The following SND1 variants were observed in gnomAD, a reference collection of about 807,000 sequenced individuals.
SND1 encodes staphylococcal nuclease domain-containing protein 1.
SND1 carries 38 observed loss-of-function variants against 121.7 expected under a neutral mutation model. The observed-to-expected ratio is 0.31, with a 90% CI of 0.24 to 0.41. SND1 has a LOEUF of 0.41. Ranked by LOEUF, SND1 falls within the 10% of genes least tolerant of loss-of-function variation. SND1 has a pLI of 1.00. For missense variants in SND1, 868 were observed against 1,184.6 expected (o/e 0.73, Z 3.92); for synonymous variants, 401 against 447.4 (o/e 0.90, Z 1.31).
chr7:128,051,297 C>G (rs1252333610), intron 16 of SND1, among the ~76,000 whole-genome samples: 1 of 152,010 alleles, frequency 6.6e-6, no homozygotes, highest in Non-Finnish European at 1.5e-5. Flanking sequence ...ACTGTTAGAA[C>G]AGAAAAATCA....
chr7:127,757,654 A>G (rs758064125), intron 10 of SND1, among the ~76,000 whole-genome samples: 6 of 152,204 alleles, frequency 3.9e-5, no homozygotes, highest in Non-Finnish European at 8.8e-5. Flanking sequence ...TTGTAAGGTT[A>G]TCAGGCATTT....
At chr7:127,840,372 A>G (rs1415140672) in intron 11 of SND1, among the ~76,000 whole-genome samples, 1 of 152,212 alleles carries the variant, frequency 6.6e-6, no homozygotes, top group Admixed American at 6.5e-5. Context: ...GCACCAAGCA[A>G]GAGCCCAGGG....
intron 12 of SND1, among the ~76,000 whole-genome samples, chr7:127,854,359 C>T (rs1449656750): frequency 2.6e-5 from 4 of 152,044 alleles, no homozygotes; most frequent in Non-Finnish European, 5.9e-5. Context: ...GAACTCCTGA[C>T]CTTAAGTGAT....
chr7:127,870,863 A>G (rs960313315), intron 12 of SND1, among the ~76,000 whole-genome samples: 2 of 152,204 alleles, frequency 1.3e-5, no homozygotes, highest in African/African-American at 4.8e-5. Flanking sequence ...AACTTTTATA[A>G]TGCTTAATTT....
At chr7:127,710,116 G>A (rs1390871239) in intron 9 of SND1, among the ~76,000 whole-genome samples, 6 of 152,064 alleles carry the variant, frequency 3.9e-5, no homozygotes, top group African/African-American at 1.4e-4. Context: ...GAAAAAAATG[G>A]ATTTTGCGTT....
intron 14 of SND1, among the ~76,000 whole-genome samples, chr7:127,925,129 A>T (rs1800803231): frequency 6.6e-6 from 1 of 152,212 alleles, no homozygotes; most frequent in Non-Finnish European, 1.5e-5. Flanking sequence ...TCTTAAAGAG[A>T]TGCCATCCAC....
intron 10 of SND1, among the ~76,000 whole-genome samples, chr7:127,721,906 T>G (rs904339351): frequency 6.6e-6 from 1 of 152,236 alleles, no homozygotes; most frequent in Non-Finnish European, 1.5e-5. Context: ...TTAAACTGTT[T>G]GCTATTTTTT....
At chr7:128,023,713 T>A (rs1272808348) in intron 16 of SND1, among the ~76,000 whole-genome samples, 3 of 152,184 alleles carry the variant, frequency 2.0e-5, no homozygotes, top group Non-Finnish European at 2.9e-5. Context: ...AATAGGCATG[T>A]CTCTCTTTGG....
chr7:127,953,160 G>A (rs1349752325), intron 15 of SND1, among the ~76,000 whole-genome samples: 1 of 11,150 alleles, frequency 9.0e-5, no homozygotes, highest in East Asian at 1.6e-3. Context: ...CCGTGTGTGT[G>A]TGTGTGTGTG....
intron 14 of SND1, among the ~76,000 whole-genome samples, chr7:127,923,561 T>G (rs972528284): frequency 6.6e-6 from 1 of 152,188 alleles, no homozygotes; most frequent in Non-Finnish European, 1.5e-5. Flanking sequence ...TTTCAAGAGA[T>G]GATCATGCTG....
chr7:127,919,092 TA>T (rs1800646769), intron 14 of SND1, among the ~76,000 whole-genome samples: 1 of 152,208 alleles, frequency 6.6e-6, no homozygotes, highest in Non-Finnish European at 1.5e-5. Flanking sequence ...GACATAAAAA[TA>T]AAACTTTCAC....
intron 14 of SND1, among the ~76,000 whole-genome samples, chr7:127,925,291 G>T (rs1800805887): frequency 6.6e-6 from 1 of 152,164 alleles, no homozygotes; most frequent in Non-Finnish European, 1.5e-5. Context: ...CAGAAATCCA[G>T]TTGCTTCCTG....
intron 16 of SND1, among the ~76,000 whole-genome samples, chr7:128,038,153 A>G (rs1188426937): frequency 6.6e-6 from 1 of 152,278 alleles, no homozygotes; most frequent in African/African-American, 2.4e-5. Flanking sequence ...CTCTTCACAG[A>G]CACACAGTGT....
At chr7:127,720,793 A>G (rs768270886) in intron 9 of SND1, among the ~76,000 whole-genome samples, 2 of 152,294 alleles carry the variant, frequency 1.3e-5, no homozygotes, top group Non-Finnish European at 2.9e-5. Context: ...TGAGATGACA[A>G]TTCTTTTTGC....
chr7:127,749,099 T>G (rs1382503937), intron 10 of SND1, among the ~76,000 whole-genome samples: 1 of 132,708 alleles, frequency 7.5e-6, no homozygotes, highest in Admixed American at 8.5e-5. Flanking sequence ...GGTAGTGCAA[T>G]CATGGCTCAC....
At chr7:128,011,605 T>TG (rs1803119089) in intron 16 of SND1, among the ~76,000 whole-genome samples, 1 of 152,318 alleles carries the variant, frequency 6.6e-6, no homozygotes, top group African/African-American at 2.4e-5. Flanking sequence ...ATTGGAATCA[T>TG]GGAGTATGGA....
intron 22 of SND1, among the ~76,000 whole-genome samples, chr7:128,091,155 A>C (rs1314288215): frequency 6.6e-6 from 1 of 152,228 alleles, no homozygotes; most frequent in East Asian, 1.9e-4. Flanking sequence ...GAAGATGATA[A>C]CTGCAGTGAA....
At chr7:127,715,429 C>T (rs566127579) in intron 9 of SND1, among the ~76,000 whole-genome samples, 1 of 152,238 alleles carries the variant, frequency 6.6e-6, no homozygotes, top group South Asian at 2.1e-4. Context: ...AGGTCATGAG[C>T]GTAGTACCCA....
chr7:127,925,794 C>G (rs1386752428), intron 14 of SND1, among the ~76,000 whole-genome samples: 10 of 151,898 alleles, frequency 6.6e-5, no homozygotes, highest in Non-Finnish European at 1.3e-4. Context: ...AGGGTTTCAC[C>G]ATGTTGGCCA....
Sources: allele counts gnomAD v4.1 joint callset (sites outside exome capture counted in the v4.1 genomes callset), GRCh38; gene constraint gnomAD v4.1.1; transcripts MANE v1.5; gene names NCBI Gene and HGNC (gene_info 2026-07-23, HGNC 2026-07-21).